The following KCNJ16 variants were observed in gnomAD, a reference collection of about 807,000 sequenced individuals.
The protein encoded by KCNJ16 is potassium inwardly rectifying channel subfamily J member 16, also known as inward rectifier potassium channel 16.
KCNJ16 carries 15 observed loss-of-function variants against 18.5 expected under a neutral mutation model. That is an observed-to-expected ratio of 0.81 (90% CI 0.54 to 1.25). The LOEUF (loss-of-function observed/expected upper bound fraction) is 1.25, where lower values mean the gene tolerates loss of function less well. KCNJ16 is among the 50% of genes most tolerant of loss of function. The pLI is 0.00. For synonymous variants in KCNJ16, 174 were observed against 186.5 expected (o/e 0.93, Z 0.55); for missense variants, 523 against 525.7 (o/e 0.99, Z 0.05).
At chr17:70,101,510 T>C in intron 2 of KCNJ16, 1 of 152,234 alleles carries the variant, frequency 6.6e-6, no homozygotes, top group Non-Finnish European at 1.5e-5. Context: ...TTGCTTTTGA[T>C]TTGTAAAAGA....
chr17:70,082,603 C>G (rs115970609), intron 1 of KCNJ16, among the ~76,000 whole-genome samples: 2,590 of 152,318 alleles, frequency 0.017, 79 homozygotes, highest in African/African-American at 0.059. Context: ...GGAACTACAA[C>G]TAACACCAAA....
chr17:70,080,515 C>T (rs867407250), intron 1 of KCNJ16, among the ~76,000 whole-genome samples: 38 of 152,048 alleles, frequency 2.5e-4, no homozygotes, highest in African/African-American at 6.3e-4. Context: ...TGTCTTATAG[C>T]CTCAAATACC....
chr17:70,112,840 C>T (rs1459319732), intron 2 of KCNJ16, among the ~76,000 whole-genome samples: 3 of 152,102 alleles, frequency 2.0e-5, no homozygotes, highest in Non-Finnish European at 4.4e-5. Flanking sequence ...TGTAGCCATA[C>T]CATACACATT....
At chr17:70,093,232 A>G (rs960027014) in intron 1 of KCNJ16, among the ~76,000 whole-genome samples, 3 of 152,184 alleles carry the variant, frequency 2.0e-5, no homozygotes, top group Non-Finnish European at 4.4e-5. Context: ...GTGGCATAAA[A>G]CAACAGAAAT....
intron 1 of KCNJ16, among the ~76,000 whole-genome samples, chr17:70,079,479 TAA>T (rs2143532211): frequency 6.6e-6 from 1 of 152,290 alleles, no homozygotes; most frequent in South Asian, 2.1e-4. Flanking sequence ...AGTTGACATA[TAA>T]AATTAAACAT....
chr17:70,092,397 T>G (rs2072128625), intron 1 of KCNJ16, among the ~76,000 whole-genome samples: 1 of 151,940 alleles, frequency 6.6e-6, no homozygotes, highest in Admixed American at 6.6e-5. Flanking sequence ...AGAGCATGAG[T>G]TATGTAAGAG....
intron 2 of KCNJ16, among the ~76,000 whole-genome samples, chr17:70,117,611 T>C (rs2073463896): frequency 6.6e-6 from 1 of 152,216 alleles, no homozygotes; most frequent in Admixed American, 6.5e-5. Context: ...TGGAGAACTG[T>C]CAACACTGAT....
chr17:70,130,768 T>C (rs1023289440), intron 2 of KCNJ16, 111 bp from the exon 3 acceptor site: 5 of 598,596 alleles, frequency 8.4e-6, no homozygotes, highest in South Asian at 2.1e-5. Flanking sequence ...TCCCCCGTTA[T>C]AATCCCTTCA....
At chr17:70,120,348 TGTCA>T (rs1326340451) in intron 2 of KCNJ16, among the ~76,000 whole-genome samples, 8 of 152,236 alleles carry the variant, frequency 5.3e-5, no homozygotes, top group Non-Finnish European at 8.8e-5. Context: ...ACCCTCTGTC[TGTCA>T]TTCAGTTTCA....
rs1185679985 is a variant in KCNJ16, at chr17:70,133,980, A to AT, written c.*642dup. 1.2e-5 allele frequency: 2 copies of AT among 167,176 alleles called. No individual in the cohort carries two copies. The highest frequency in any genetic ancestry group is 2.4e-5 in the African/African-American group (1 of 41,534). 10.4% of individuals were successfully genotyped at this position (167,176 alleles called of 1,614,324 possible). A position where few individuals can be genotyped will look rare whatever the true frequency, so the allele number is the denominator to read the frequency against. ...TAGTGATCAGTGAGAGTTAGAAGCA[A>AT]TTTTTTCTCTAACCGATGAGGCAGA... On this transcript the variant is annotated 3_prime_UTR_variant, in exon 4 of 4. Coordinates refer to ENST00000392671, the MANE Select transcript of KCNJ16 (RefSeq NM_170741.4).
At chr17:70,131,521 A>G in intron 3 of KCNJ16, 1 of 973,778 alleles carries the variant, frequency 1.0e-6, no homozygotes, top group Non-Finnish European at 1.2e-6. Flanking sequence ...TGAAAGTTAC[A>G]TTATGATATG....
chr17:70,124,889 G>GGTGTGTTTGTGTGTGTGT (rs1567803876), intron 2 of KCNJ16, among the ~76,000 whole-genome samples: 3 of 89,320 alleles, frequency 3.4e-5, no homozygotes, highest in African/African-American at 1.9e-4. Context: ...TGAATAGATG[G>GGTGTGTTTGTGTGTGTGT]GTGTGTGTTT....
At position 70,133,060 on chromosome 17, in the gene KCNJ16, T is replaced by G; in HGVS notation, c.973T>G (p.Cys325Gly). ...TAAGAGGAAGTATTACAAAGTGAAC[T>G]GCTTACAGTTTGAAGGAAGTGTGGA... ...EVKRKYYKVNCLQFEGSVEVY... is the reference protein window; with the variant it reads ...EVKRKYYKVNGLQFEGSVEVY... The change falls in exon 4 of 4, where the codon TGC (cysteine) becomes GGC (glycine). Residue 325 changes from cysteine to glycine, a missense_variant. Transcript: ENST00000392671. 6.2e-7 allele frequency: 1 copy of G among 1,614,194 alleles called. No individual in the cohort carries two copies. The highest frequency in any genetic ancestry group is 8.5e-7 in the Non-Finnish European group (1 of 1,180,042).
At chr17:70,121,795 A>G (rs2073650241) in intron 2 of KCNJ16, among the ~76,000 whole-genome samples, 1 of 149,552 alleles carries the variant, frequency 6.7e-6, no homozygotes, top group African/African-American at 2.5e-5. Context: ...TTCTCTACTG[A>G]AAAAAAAAAT....
intron 2 of KCNJ16, among the ~76,000 whole-genome samples, chr17:70,117,457 AAAT>A (rs2073456536): frequency 6.6e-6 from 1 of 152,178 alleles, no homozygotes; most frequent in East Asian, 1.9e-4. Context: ...AAAGCTGAAA[AAAT>A]AATAATAATA....
At chr17:70,080,864 C>G (rs724589) in intron 1 of KCNJ16, among the ~76,000 whole-genome samples, 1 of 152,136 alleles carries the variant, frequency 6.6e-6, no homozygotes, top group Middle Eastern at 3.4e-3. Context: ...ATGGCTGGAC[C>G]TCAAAATTGT....
chr17:70,097,624 C>A (rs2143797116), intron 1 of KCNJ16, among the ~76,000 whole-genome samples: 1 of 152,234 alleles, frequency 6.6e-6, no homozygotes, highest in East Asian at 1.9e-4. Flanking sequence ...GTGACTATTT[C>A]AAATATTTTC....
intron 2 of KCNJ16, among the ~76,000 whole-genome samples, chr17:70,119,893 G>A (rs139854142): frequency 6.6e-6 from 1 of 152,298 alleles, no homozygotes; most frequent in African/African-American, 2.4e-5. Flanking sequence ...GCTTGAATTT[G>A]GCTCCCCAAA....
intron 1 of KCNJ16, among the ~76,000 whole-genome samples, chr17:70,096,140 C>T (rs1250153492): frequency 6.6e-6 from 1 of 152,046 alleles, no homozygotes; most frequent in African/African-American, 2.4e-5. Context: ...ACCTGGGTCT[C>T]CCAAAGTGCT....
Sources: gnomAD v4.1 joint callset for allele counts (sites outside exome capture counted in the v4.1 genomes callset) on GRCh38, gnomAD v4.1.1 for gene constraint, MANE v1.5 for transcripts, NCBI Gene and HGNC (gene_info 2026-07-23, HGNC 2026-07-21) for gene names.